UNC13C: variants seen among roughly 807,000 people sequenced by gnomAD.
UNC13C encodes the protein protein unc-13 homolog C.
Under a neutral mutation model 245.4 loss-of-function variants are expected in UNC13C, and 174 were observed. That is an observed-to-expected ratio of 0.71 (90% CI 0.63 to 0.80). The LOEUF is 0.80. UNC13C is among the 30% of genes least tolerant of loss of function. The pLI is 0.00. For synonymous variants in UNC13C, 992 were observed against 895.1 expected, an observed-to-expected ratio of 1.11 and a Z score of -1.93; for missense variants, 2,829 against 2,602.9, an observed-to-expected ratio of 1.09 and a Z score of -1.89.
chr15:54,204,332 C>G (rs2034642192), intron 4 of UNC13C, among the ~76,000 whole-genome samples: 1 of 143,210 alleles, frequency 7.0e-6, no homozygotes, highest in African/African-American at 2.5e-5. Context: ...CCAAAACCAC[C>G]TCAATTCCGT....
chr15:54,479,989 A>T (rs991548173), intron 19 of UNC13C, among the ~76,000 whole-genome samples: 5 of 151,680 alleles, frequency 3.3e-5, no homozygotes, highest in African/African-American at 1.2e-4. Context: ...CACTTGGGAT[A>T]TTTCATCCTA....
the UNC13C span, among the ~76,000 whole-genome samples, chr15:53,971,347 C>T: frequency 6.6e-6 from 1 of 151,994 alleles, no homozygotes; most frequent in Non-Finnish European, 1.5e-5. Context: ...TATAAAACCC[C>T]TAGAAGAAAA....
chr15:54,508,916 T>C (rs1894603294), intron 23 of UNC13C, among the ~76,000 whole-genome samples: 1 of 152,088 alleles, frequency 6.6e-6, no homozygotes, highest in Non-Finnish European at 1.5e-5. Flanking sequence ...GACCATAATA[T>C]AGGCCGGGCG....
At chr15:54,118,686 A>G (rs1219337606) in intron 2 of UNC13C, among the ~76,000 whole-genome samples, 1 of 152,148 alleles carries the variant, frequency 6.6e-6, no homozygotes, top group Non-Finnish European at 1.5e-5. Flanking sequence ...ATATTGGATA[A>G]AAGTGGTAAA....
chr15:54,408,229 A>AAAAAAAAC (rs2040347230), intron 18 of UNC13C, among the ~76,000 whole-genome samples: 1 of 146,548 alleles, frequency 6.8e-6, no homozygotes, highest in Non-Finnish European at 1.5e-5. Context: ...AAAAAAAAAA[A>AAAAAAAAC]CATGGGCAAG....
At chr15:54,449,544 C>T (rs1402762763) in intron 19 of UNC13C, among the ~76,000 whole-genome samples, 1 of 152,094 alleles carries the variant, frequency 6.6e-6, no homozygotes, top group East Asian at 1.9e-4. Context: ...ATCACTGATA[C>T]CCTTTCTTCC....
At chr15:54,454,135 A>G (rs1891338505) in intron 19 of UNC13C, among the ~76,000 whole-genome samples, 5 of 151,714 alleles carry the variant, frequency 3.3e-5, no homozygotes, top group Admixed American at 1.3e-4. Context: ...ATATATATAT[A>G]TATAAAATAC....
chr15:54,347,276 C>G (rs1490632324), intron 17 of UNC13C, among the ~76,000 whole-genome samples: 3 of 152,112 alleles, frequency 2.0e-5, no homozygotes, highest in Admixed American at 6.5e-5. Context: ...CAATGAAAAC[C>G]TTTATTAACT....
intron 2 of UNC13C, among the ~76,000 whole-genome samples, chr15:54,129,103 C>T (rs1030282517): frequency 1.3e-5 from 2 of 152,132 alleles, no homozygotes; most frequent in Non-Finnish European, 2.9e-5. Flanking sequence ...TCATATTTTA[C>T]ATATAATGAC....
chr15:54,567,813 C>T lies in UNC13C; in HGVS notation c.5972C>T (p.Ala1991Val). The change falls in exon 30 of 33, where the codon GCA (alanine) becomes GTA (valine). Residue 1991 changes from alanine to valine, a missense_variant. Physicochemically the swap from Ala to Val is moderately conservative, Grantham distance 64. Coordinates refer to ENST00000260323, the MANE Select transcript of UNC13C (RefSeq NM_001080534.3). ...TTTTCTTTGTAGCAATACTTTCATG[C>T]AGGAGGAAATGGCCTGAAAAAGAAT... Reference protein sequence around the residue: ...VLATIKQYFHAGGNGLKKNFL... With the variant: ...VLATIKQYFHVGGNGLKKNFL... The T allele has an allele frequency of 1.9e-6, 3 of 1,598,444 alleles. No individual in the cohort carries two copies. The highest frequency in any genetic ancestry group is 2.6e-6 in the Non-Finnish European group (3 of 1,171,930).
chr15:53,925,605 A>G, the UNC13C span, among the ~76,000 whole-genome samples: 5 of 152,192 alleles, frequency 3.3e-5, no homozygotes, highest in Middle Eastern at 3.2e-3. Context: ...CCTTAGAAAG[A>G]CAGACTATCT....
intron 30 of UNC13C, among the ~76,000 whole-genome samples, chr15:54,583,213 C>T (rs1327507896): frequency 1.3e-5 from 2 of 152,158 alleles, no homozygotes; most frequent in Admixed American, 6.5e-5. Context: ...AAACTATAAC[C>T]ATAGGCAGTT....
chr15:54,108,785 T>C (rs1595865740), intron 2 of UNC13C, among the ~76,000 whole-genome samples: 1 of 152,062 alleles, frequency 6.6e-6, no homozygotes, highest in Non-Finnish European at 1.5e-5. Flanking sequence ...AGGCATACAG[T>C]AAGCCAAATT....
intron 17 of UNC13C, among the ~76,000 whole-genome samples, chr15:54,365,232 T>C (rs565305634): frequency 1.3e-5 from 2 of 152,244 alleles, no homozygotes; most frequent in Admixed American, 1.3e-4. Context: ...TGTATAACTC[T>C]TCCCCTTCTG....
chr15:54,387,525 A>C (rs1222637464), intron 17 of UNC13C, among the ~76,000 whole-genome samples: 1 of 152,032 alleles, frequency 6.6e-6, no homozygotes, highest in Non-Finnish European at 1.5e-5. Context: ...TCTTTACTAC[A>C]TCCTGTTTTG....
At chr15:54,548,100 A>G (rs1349813639) in intron 27 of UNC13C, among the ~76,000 whole-genome samples, 12 of 151,986 alleles carry the variant, frequency 7.9e-5, no homozygotes, top group Non-Finnish European at 1.8e-4. Context: ...CATGACTGTC[A>G]CAGATTGCAG....
intron 1 of UNC13C, among the ~76,000 whole-genome samples, chr15:54,007,271 G>A (rs1034034572): frequency 2.0e-5 from 3 of 152,112 alleles, no homozygotes; most frequent in Admixed American, 1.3e-4. Flanking sequence ...TAAGACTAAG[G>A]TTATTCTATT....
At chr15:54,234,437 T>A (rs1182727069) in intron 4 of UNC13C, among the ~76,000 whole-genome samples, 1 of 152,194 alleles carries the variant, frequency 6.6e-6, no homozygotes, top group East Asian at 1.9e-4. Context: ...TTATTGCTAT[T>A]ATTTAAAGAT....
chr15:54,518,803 C>T (rs1895091007), intron 24 of UNC13C, among the ~76,000 whole-genome samples: 1 of 152,154 alleles, frequency 6.6e-6, no homozygotes, highest in Non-Finnish European at 1.5e-5. Flanking sequence ...GAAGAAACAG[C>T]CAAATGGGTC....
Sources: allele counts gnomAD v4.1 joint callset (sites outside exome capture counted in the v4.1 genomes callset), GRCh38; gene constraint gnomAD v4.1.1; transcripts MANE v1.5; gene names NCBI Gene and HGNC (gene_info 2026-07-23, HGNC 2026-07-21).